The following SPOP variants were observed in gnomAD, a reference collection of about 807,000 sequenced individuals.
The protein encoded by SPOP is speckle type BTB/POZ protein, also known as speckle-type POZ protein.
SPOP carries 11 observed loss-of-function variants against 45.6 expected under a neutral mutation model. The ratio of observed to expected loss-of-function variants is 0.24; its 90% CI spans 0.15 to 0.40. The LOEUF (loss-of-function observed/expected upper bound fraction) is 0.40. SPOP is among the 10% of genes least tolerant of loss of function. The pLI, the probability that SPOP is intolerant of heterozygous loss-of-function variation, is 1.00. For synonymous variants in SPOP, 166 were observed against 166.3 expected, an observed-to-expected ratio of 1.00 and a Z score of 0.01; for missense variants, 152 against 465.6, an observed-to-expected ratio of 0.33 and a Z score of 6.20.
chr17:49,678,140 C>A, upstream of SPOP: 1 of 395,238 alleles, frequency 2.5e-6, no homozygotes, highest in Non-Finnish European at 4.5e-6. Context: ...ACCGCCAGAC[C>A]CCACCCCGCG....
At chr17:49,622,150 C>T in intron 2 of SPOP, 83 bp from the exon 3 acceptor site, 1 of 1,504,790 alleles carries the variant, frequency 6.6e-7, no homozygotes, top group Non-Finnish European at 9.1e-7. Context: ...ATCATTTCCC[C>T]TCCCTCCCTC....
chr17:49,633,405 T>C (rs1384231052), intron 1 of SPOP, among the ~76,000 whole-genome samples: 1 of 152,146 alleles, frequency 6.6e-6, no homozygotes, highest in Non-Finnish European at 1.5e-5. Flanking sequence ...TTTACAGGCT[T>C]ACTGCTCTTC....
chr17:49,621,442 C>T (rs2072220291), intron 3 of SPOP, among the ~76,000 whole-genome samples: 1 of 152,196 alleles, frequency 6.6e-6, no homozygotes. Context: ...CCTGTCAATA[C>T]AGTTACATAA....
intron 1 of SPOP, among the ~76,000 whole-genome samples, 178 bp from the exon 2 acceptor site, chr17:49,623,054 G>A (rs375470217): frequency 1.1e-4 from 16 of 151,548 alleles, no homozygotes; most frequent in South Asian, 1.0e-3. Context: ...TTGCCCAGAC[G>A]GGAGTGCAGT....
chr17:49,615,762 G>A (rs1321927684), intron 5 of SPOP, among the ~76,000 whole-genome samples: 1 of 152,086 alleles, frequency 6.6e-6, no homozygotes, highest in Non-Finnish European at 1.5e-5. Context: ...TTGGGTGAAT[G>A]GCATTCAGCT....
Position 49,620,129 on chromosome 17 carries a change from C to T in SPOP, c.201-744G>A, listed in dbSNP as rs546012789. ...AGGTTGCAGTGAGCTGAGATCACAC[C>T]ACTACGCTCCAGCCTGGGTAACAAG... On this transcript the variant is annotated intron_variant, in intron 3 of 9. Transcript: ENST00000504102. Among the ~76,000 whole-genome samples the T allele has an allele frequency of 5.9e-5, 9 of 151,592 alleles. No homozygotes were observed. The East Asian group carries it at 1.6e-3, about 26-fold the overall frequency.
At chr17:49,601,405 T>C (rs2071737564) in intron 9 of SPOP, 1 of 152,560 alleles carries the variant, frequency 6.6e-6, no homozygotes, top group Admixed American at 6.5e-5. Context: ...TCACTTAAGA[T>C]GAAGGAACAG....
intron 1 of SPOP, among the ~76,000 whole-genome samples, chr17:49,669,739 T>C (rs1188750626): frequency 8.1e-6 from 1 of 123,902 alleles, no homozygotes; most frequent in Non-Finnish European, 1.6e-5. Context: ...TACTCCAGCC[T>C]GATGACAGAG....
intron 1 of SPOP, among the ~76,000 whole-genome samples, chr17:49,658,085 A>G (rs2072939021): frequency 1.3e-5 from 2 of 152,200 alleles, no homozygotes; most frequent in African/African-American, 4.8e-5. Flanking sequence ...TTAATCCATA[A>G]AACAGAATTC....
intron 1 of SPOP, among the ~76,000 whole-genome samples, chr17:49,633,450 C>T (rs1710258754): frequency 1.3e-5 from 2 of 152,114 alleles, no homozygotes; most frequent in Non-Finnish European, 2.9e-5. Flanking sequence ...CTGTCCTTGT[C>T]CCCAAGGAGA....
At chr17:49,647,467 AT>A (rs1414760262) in intron 1 of SPOP, among the ~76,000 whole-genome samples, 1 of 149,534 alleles carries the variant, frequency 6.7e-6, no homozygotes, top group South Asian at 2.1e-4. Context: ...AATTATTTTT[AT>A]TTTTTTTAAA....
intron 1 of SPOP, among the ~76,000 whole-genome samples, chr17:49,628,082 C>T (rs1437355375): frequency 6.6e-6 from 1 of 152,216 alleles, no homozygotes; most frequent in Non-Finnish European, 1.5e-5. Context: ...GGAGACCTAC[C>T]TGAGGGTTAG....
chr17:49,620,620 C>T (rs753506712), intron 3 of SPOP: 12 of 154,010 alleles, frequency 7.8e-5, no homozygotes, highest in African/African-American at 2.9e-4. Context: ...ATTATCATTA[C>T]GCAGCACAGA....
chr17:49,608,043 T>C, intron 6 of SPOP, 114 bp from the exon 7 acceptor site: 1 of 761,436 alleles, frequency 1.3e-6, no homozygotes, highest in South Asian at 2.6e-5. Flanking sequence ...ATAGGAAAGG[T>C]CTCTACCTCA....
At chr17:49,610,918 C>A (rs2071959043) in intron 6 of SPOP, among the ~76,000 whole-genome samples, 1 of 152,120 alleles carries the variant, frequency 6.6e-6, no homozygotes, top group African/African-American at 2.4e-5. Context: ...GGCATTTAGT[C>A]CTGAGTATAG....
chr17:49,634,170 A>C (rs184777523), intron 1 of SPOP, among the ~76,000 whole-genome samples: 4 of 152,328 alleles, frequency 2.6e-5, no homozygotes, highest in Admixed American at 6.5e-5. Context: ...TCTCAGTTCC[A>C]AAAGAGAACA....
chr17:49,622,815 A>C lies in SPOP; in HGVS notation c.-5T>G. 6.2e-7 allele frequency: 1 copy of C among 1,613,884 alleles called. No individual in the cohort carries two copies. The highest frequency in any genetic ancestry group is 8.5e-7 in the Non-Finnish European group (1 of 1,179,752). ...AGGACTTGGAACCCTTGACATCGCC[A>C]GTTTGAAGGTTAAACGAGATTTCCA... On this transcript the variant is annotated 5_prime_UTR_variant, in exon 2 of 10. Coordinates refer to ENST00000504102, the MANE Select transcript of SPOP (RefSeq NM_001007228.2).
chr17:49,648,387 A>G (rs949777693), intron 1 of SPOP, among the ~76,000 whole-genome samples: 1 of 152,164 alleles, frequency 6.6e-6, no homozygotes, highest in Non-Finnish European at 1.5e-5. Context: ...CTTTACTCCA[A>G]AACACTGGGT....
chr17:49,606,084 C>G (rs2071838325), intron 8 of SPOP, among the ~76,000 whole-genome samples: 1 of 151,512 alleles, frequency 6.6e-6, no homozygotes. Flanking sequence ...CCTATATTAT[C>G]TATACTAATT....
Sources: gnomAD v4.1 joint callset for allele counts (sites outside exome capture counted in the v4.1 genomes callset) on GRCh38, gnomAD v4.1.1 for gene constraint, MANE v1.5 for transcripts, NCBI Gene and HGNC (gene_info 2026-07-23, HGNC 2026-07-21) for gene names.